The following LRRFIP1 variants were observed in gnomAD, a reference collection of about 807,000 sequenced individuals.
LRRFIP1 encodes the protein LRR binding FLII interacting protein 1, also known as leucine-rich repeat flightless-interacting protein 1.
Under a neutral mutation model 104.4 loss-of-function variants are expected in LRRFIP1, and 62 were observed. The observed-to-expected ratio is 0.59, with a 90% CI of 0.48 to 0.73. The LOEUF (loss-of-function observed/expected upper bound fraction) is 0.73, where lower values mean the gene tolerates loss of function less well. Ranked by LOEUF, LRRFIP1 falls within the 30% of genes least tolerant of loss-of-function variation. The pLI, the probability that LRRFIP1 is intolerant of heterozygous loss-of-function variation, is 0.00. For synonymous variants in LRRFIP1, 300 were observed against 299.0 expected (o/e 1.00, Z -0.03); for missense variants, 796 against 824.5 (o/e 0.97, Z 0.42).
intron 1 of LRRFIP1, among the ~76,000 whole-genome samples, chr2:237,686,837 A>G (rs61215475): frequency 0.038 from 5,835 of 152,346 alleles, 336 homozygotes; most frequent in African/African-American, 0.13. Context: ...CCTTCTTTGC[A>G]GACAGCAGGC....
chr2:237,737,221 C>T lies in LRRFIP1; in HGVS notation c.555+1888C>T, dbSNP rs141074040. On this transcript the variant is annotated intron_variant, in intron 10 of 23. Coordinates refer to ENST00000308482, the MANE Select transcript of LRRFIP1 (RefSeq NM_001137550.2). ...CAGTGGCATTGTCTGATCCAGGAGC[C>T]GAGGAAGTTGTTTCTGGCAGAAAGT... 3.0e-3 allele frequency among the ~76,000 whole-genome samples: 454 copies of T among 152,262 alleles called. 4 individuals carry two copies. The highest frequency in any genetic ancestry group is 0.01 in the African/African-American group (432 of 41,534).
At chr2:237,634,757 T>C (rs185971009) in intron 1 of LRRFIP1, among the ~76,000 whole-genome samples, 18 of 152,346 alleles carry the variant, frequency 1.2e-4, no homozygotes, top group Admixed American at 1.2e-3. Flanking sequence ...GAGTTAATGA[T>C]TTATTTTCTT....
chr2:237,632,663 C>A (rs2082547879), intron 1 of LRRFIP1, among the ~76,000 whole-genome samples: 1 of 152,166 alleles, frequency 6.6e-6, no homozygotes, highest in South Asian at 2.1e-4. Flanking sequence ...TGTTGGAGAA[C>A]CAAGCTGGGG....
intron 1 of LRRFIP1, among the ~76,000 whole-genome samples, chr2:237,652,908 G>T (rs4663775): frequency 0.16 from 24,745 of 152,232 alleles, 2,484 homozygotes; most frequent in South Asian, 0.33. Context: ...TGTGTTGGGG[G>T]AGGAGCCTGA....
chr2:237,658,712 C>T (rs896341316), intron 1 of LRRFIP1, among the ~76,000 whole-genome samples: 9 of 152,154 alleles, frequency 5.9e-5, no homozygotes, highest in Non-Finnish European at 1.3e-4. Context: ...GGAAGAACCC[C>T]TTATAAAACC....
chr2:237,654,732 G>A (rs1244006844), intron 1 of LRRFIP1, among the ~76,000 whole-genome samples: 1 of 152,062 alleles, frequency 6.6e-6, no homozygotes, highest in Non-Finnish European at 1.5e-5. Context: ...TGTATTTTTA[G>A]TAGAGATGGG....
At chr2:237,678,123 G>A (rs1397885825) in intron 1 of LRRFIP1, among the ~76,000 whole-genome samples, 2 of 152,080 alleles carry the variant, frequency 1.3e-5, no homozygotes, top group South Asian at 4.1e-4. Context: ...CACAGTCATA[G>A]CTCCTTATCT....
At chr2:237,689,047 C>T (rs1171475330) in intron 1 of LRRFIP1, among the ~76,000 whole-genome samples, 7 of 140,370 alleles carry the variant, frequency 5.0e-5, no homozygotes, top group African/African-American at 1.8e-4. Context: ...CCTTGCTCTA[C>T]GTTGAAAAAA....
In LRRFIP1 at chr2:237,714,253, C is replaced by T. The variant is rs11895194; in HGVS notation, c.184-6C>T. The T allele has an allele frequency of 8.7e-4, 1,393 of 1,592,862 alleles. 9 individuals carry two copies. The African/African-American group carries it at 0.016, about 18-fold the overall frequency. On this transcript the variant is annotated splice_region_variant and splice_polypyrimidine_tract_variant and intron_variant, in intron 2 of 23. Transcript: ENST00000308482. ...CATTTCTTTTTTCTTCTGTCCTTCT[C>T]TATAGATCTATCAGGTCCAAAAGGT...
chr2:237,699,322 A>T (rs1354705486), intron 1 of LRRFIP1, among the ~76,000 whole-genome samples: 1 of 151,688 alleles, frequency 6.6e-6, no homozygotes, highest in Non-Finnish European at 1.5e-5. Flanking sequence ...AAATCCAAAA[A>T]TTAAAAATAG....
At chr2:237,714,340 T>TACCA in intron 3 of LRRFIP1, 64 bp downstream of exon 3, 1 of 1,349,472 alleles carries the variant, frequency 7.4e-7, no homozygotes, top group Non-Finnish European at 1.0e-6. Context: ...AAGGGCCTGG[T>TACCA]CACCTTTCAG....
chr2:237,667,989 C>G (rs532953644), intron 1 of LRRFIP1, among the ~76,000 whole-genome samples: 1 of 152,252 alleles, frequency 6.6e-6, no homozygotes, highest in Admixed American at 6.5e-5. Flanking sequence ...CCCCTGGATG[C>G]CCTCATGTCC....
At chr2:237,755,511 C>T (rs1019993577) in intron 15 of LRRFIP1, among the ~76,000 whole-genome samples, 3 of 152,222 alleles carry the variant, frequency 2.0e-5, no homozygotes, top group African/African-American at 4.8e-5. Flanking sequence ...GGCCCTTCGT[C>T]GGCTCTTGCT....
At chr2:237,754,388 A>T (rs2059023430) in intron 15 of LRRFIP1, among the ~76,000 whole-genome samples, 1 of 152,202 alleles carries the variant, frequency 6.6e-6, no homozygotes, top group South Asian at 2.1e-4. Context: ...TATAATTTCT[A>T]TTGAGAGTCT....
intron 1 of LRRFIP1, among the ~76,000 whole-genome samples, chr2:237,642,222 GCGT>G (rs2084092512): frequency 6.6e-6 from 1 of 152,328 alleles, no homozygotes; most frequent in African/African-American, 2.4e-5. Flanking sequence ...GCCAAGGACC[GCGT>G]GTGTGCAGTT....
In LRRFIP1 at chr2:237,627,671, G is replaced by A; in HGVS notation, c.27G>A (p.Gly9=). MDMGTQGS[G]RKRLPNRERL... ...TGGACATGGGCACCCAGGGATCGGGGCGCAAGCGGCTCCCCAACCGGGAGC... is the reference window on the plus strand; with the variant it reads ...TGGACATGGGCACCCAGGGATCGGGACGCAAGCGGCTCCCCAACCGGGAGC... Residue 9 remains glycine (G), a synonymous_variant, in exon 1 of 24, where the codon GGG becomes GGA. Transcript: ENST00000308482. 1 of 1,366,844 alleles carries A rather than the reference G, an allele frequency of 7.3e-7. No individual in the cohort carries two copies. The highest frequency in any genetic ancestry group is 1.5e-5 in the African/African-American group (1 of 66,150). The allele number at this position is 1,366,844 out of a possible 1,614,324, so 84.7% of individuals were successfully genotyped here.
intron 1 of LRRFIP1, among the ~76,000 whole-genome samples, chr2:237,638,289 A>G (rs1326479253): frequency 6.6e-6 from 1 of 152,196 alleles, no homozygotes; most frequent in Non-Finnish European, 1.5e-5. Flanking sequence ...TAGATCCCTC[A>G]TATGCGCAGT....
intron 1 of LRRFIP1, among the ~76,000 whole-genome samples, chr2:237,651,565 C>G (rs1166609589): frequency 1.3e-5 from 2 of 152,128 alleles, no homozygotes; most frequent in Non-Finnish European, 2.9e-5. Context: ...GGCACTGGAT[C>G]AGTAGAGCAC....
At chr2:237,721,010 T>A (rs113048333) in intron 6 of LRRFIP1, 188 bp downstream of exon 6, 7,773 of 570,628 alleles carry the variant, frequency 0.014, 98 homozygotes, top group East Asian at 0.035. Flanking sequence ...AGAGATGATT[T>A]ATATGCATAG....
Sources: gnomAD v4.1 joint callset for allele counts (sites outside exome capture counted in the v4.1 genomes callset) on GRCh38, gnomAD v4.1.1 for gene constraint, MANE v1.5 for transcripts, NCBI Gene and HGNC (gene_info 2026-07-23, HGNC 2026-07-21) for gene names.